Variants in SLC35D1 observed in about 807,000 individuals in gnomAD.
SLC35D1 encodes solute carrier family 35 member D1.
In SLC35D1, 31 loss-of-function variants were observed where a neutral mutation model predicts 46.7. That is an observed-to-expected ratio of 0.66 (90% CI 0.50 to 0.90). The LOEUF (loss-of-function observed/expected upper bound fraction) is 0.90. Among genes scored for constraint, SLC35D1 ranks in the 40% least tolerant of loss-of-function variants. The pLI is 0.00. For synonymous variants in SLC35D1, 195 were observed against 164.6 expected, an observed-to-expected ratio of 1.18 and a Z score of -1.41; for missense variants, 397 against 426.2, an observed-to-expected ratio of 0.93 and a Z score of 0.60.
chr1:67,041,782 A>G (rs187180150), intron 8 of SLC35D1, among the ~76,000 whole-genome samples: 121 of 151,926 alleles, frequency 8.0e-4, no homozygotes, highest in African/African-American at 2.8e-3. Context: ...TCTCCTGAGA[A>G]AAAAAAAACA....
chr1:67,011,098 C>T (rs759838622), intron 10 of SLC35D1, among the ~76,000 whole-genome samples: 23 of 152,302 alleles, frequency 1.5e-4, no homozygotes, highest in Non-Finnish European at 2.8e-4. Flanking sequence ...CCTCCCATAA[C>T]CTATTTTGCC....
intron 10 of SLC35D1, among the ~76,000 whole-genome samples, chr1:67,013,931 C>T (rs774150528): frequency 5.3e-4 from 81 of 152,272 alleles, no homozygotes; most frequent in Non-Finnish European, 8.7e-4. Context: ...CATTGCATAA[C>T]CTGGTTTCAT....
downstream of SLC35D1, among the ~76,000 whole-genome samples, chr1:66,997,588 G>A (rs1570597324): frequency 1.5e-5 from 2 of 136,358 alleles, no homozygotes; most frequent in South Asian, 4.6e-4. Context: ...TACACACACA[G>A]ATATAGAGAT....
chr1:66,982,050 A>G, the SLC35D1 span: 1 of 828,860 alleles, frequency 1.2e-6, no homozygotes, highest in African/African-American at 1.7e-5. Flanking sequence ...CATGAGACAA[A>G]CATAACATCA....
chr1:67,042,149 T>G (rs555320302), intron 8 of SLC35D1, 87 bp downstream of exon 8: 2 of 1,291,140 alleles, frequency 1.5e-6, no homozygotes, highest in South Asian at 2.4e-5. Flanking sequence ...AGCATATTTC[T>G]TTTGAACAAC....
chr1:67,015,111 ATG>A (rs551984308), intron 10 of SLC35D1, among the ~76,000 whole-genome samples: 87 of 150,234 alleles, frequency 5.8e-4, no homozygotes, highest in African/African-American at 2.1e-3. Flanking sequence ...CAAAAGGAAA[ATG>A]TGTTTTTAGT....
chr1:67,020,398 G>C lies in SLC35D1; in HGVS notation c.847C>G (p.Leu283Val). Reference protein sequence around the residue: ...TVLCTQYNSALTTTIVGCIKN... With the variant: ...TVLCTQYNSAVTTTIVGCIKN... The stretch of plus-strand genomic sequence containing the variant: ...ATACAGCCAACTATTGTAGTTGTAA[G>C]AGCAGAATTATACTGCGTGCAGAGT... Residue 283 changes from leucine (L) to valine (V), a missense_variant, in exon 10 of 12, where the codon CTT becomes GTT. Leu to Val is a conservative substitution (Grantham distance 32). Transcript: ENST00000235345. 1.2e-6 allele frequency: 2 copies of C among 1,609,942 alleles called. No individual in the cohort carries two copies. The highest frequency in any genetic ancestry group is 1.1e-5 in the South Asian group (1 of 91,000).
Position 67,047,290 on chromosome 1 carries a change from T to G in SLC35D1, c.611A>C (p.Tyr204Ser). Residue 204 changes from tyrosine (Y) to serine (S), a missense_variant, in exon 7 of 12, where the codon TAC becomes TCC. By Grantham distance (144) the Tyr-to-Ser change is moderately radical. Transcript: ENST00000235345. ...NDVLTAANGA[Y>S]VKQKLDSKEL... ...TTTTGAATCTAATTTTTGTTTTACG[T>G]ATGCACCATTTGCTGCTGTTAGGAC... The G allele has an allele frequency of 6.2e-7, 1 of 1,613,402 alleles. No homozygotes were observed. Among genetic ancestry groups the G allele is most frequent in the Non-Finnish European group, 8.5e-7 (1 of 1,179,860 alleles).
At position 67,000,024 on chromosome 1, in the gene SLC35D1, C is replaced by T. The variant is rs1466287629; in HGVS notation, c.*4316G>A. ...GTGGCACACACCTGTAATCCCAGCACTTTGGGAGGCTGAGACAGAAGGGTT... is the reference window on the plus strand; with the variant it reads ...GTGGCACACACCTGTAATCCCAGCATTTTGGGAGGCTGAGACAGAAGGGTT... On this transcript the variant is annotated 3_prime_UTR_variant, in exon 12 of 12. Transcript: ENST00000235345. 6.6e-6 allele frequency: 1 copy of T among 151,574 alleles called. No homozygotes were observed. Among genetic ancestry groups the T allele is most frequent in the Non-Finnish European group, 1.5e-5 (1 of 67,996 alleles). The allele number at this position is 151,574 out of a possible 1,614,324, so 9.4% of individuals were successfully genotyped here.
chr1:67,025,033 C>G (rs1032272881), intron 8 of SLC35D1, among the ~76,000 whole-genome samples: 2 of 152,158 alleles, frequency 1.3e-5, no homozygotes, highest in African/African-American at 4.8e-5. Context: ...TAGGTGTGAG[C>G]CACCCTGCTG....
chr1:66,984,569 T>C, the SLC35D1 span: 1 of 1,573,602 alleles, frequency 6.4e-7, no homozygotes, highest in Non-Finnish European at 8.6e-7. Context: ...TCTTTCAACT[T>C]AGGAGTGTCA....
the SLC35D1 span, chr1:66,986,059 G>A: frequency 1.5e-3 from 1,476 of 1,015,698 alleles, 1 homozygote; most frequent in Non-Finnish European, 1.7e-3. Flanking sequence ...AACAGAGGAG[G>A]GGGGTCAAGT....
chr1:67,023,075 A>G (rs769465788), intron 8 of SLC35D1, among the ~76,000 whole-genome samples: 1 of 152,222 alleles, frequency 6.6e-6, no homozygotes, highest in Non-Finnish European at 1.5e-5. Flanking sequence ...GTTTATCCAA[A>G]CACCAGGTAA....
At chr1:67,042,444 A>G (rs1411669406) in intron 7 of SLC35D1, 116 bp from the exon 8 acceptor site, 2 of 860,962 alleles carry the variant, frequency 2.3e-6, no homozygotes, top group African/African-American at 3.3e-5. Context: ...CCTCCCCTAC[A>G]ACATACACAG....
At chr1:66,983,022 A>C in the SLC35D1 span, among the ~76,000 whole-genome samples, 1 of 152,216 alleles carries the variant, frequency 6.6e-6, no homozygotes, top group African/African-American at 2.4e-5. Context: ...TTAACACCAA[A>C]TCATTTTCTT....
rs1244746531 is a variant in SLC35D1, at chr1:67,002,913, GT to G, written c.*1426del. The G allele has an allele frequency of 6.6e-6, 1 of 152,292 alleles. No individual in the cohort carries two copies. Among genetic ancestry groups the G allele is most frequent in the Non-Finnish European group, 1.5e-5 (1 of 68,024 alleles). 9.4% of individuals were successfully genotyped at this position (152,292 alleles called of 1,614,324 possible). A position where few individuals can be genotyped will look rare whatever the true frequency, so the allele number is the denominator to read the frequency against. On this transcript the variant is annotated 3_prime_UTR_variant, in exon 12 of 12. Transcript: ENST00000235345. Reference sequence around the variant, plus strand: ...GGATATCTCTGAGTCAAGTCATAGGGTTATGTTTGAGTTAACACCTCCACCC... The same window carrying G: ...GGATATCTCTGAGTCAAGTCATAGGGTATGTTTGAGTTAACACCTCCACCC...
chr1:66,994,043 T>TTTATTG, the SLC35D1 span, among the ~76,000 whole-genome samples: 1 of 151,442 alleles, frequency 6.6e-6, no homozygotes, highest in African/African-American at 2.4e-5. Context: ...TCAGCATTCT[T>TTTATTG]GTAGATCAAA....
At chr1:67,006,581 T>C (rs182316094) in intron 11 of SLC35D1, among the ~76,000 whole-genome samples, 7 of 152,310 alleles carry the variant, frequency 4.6e-5, no homozygotes, top group African/African-American at 7.2e-5. Context: ...TGGATAGGAA[T>C]ACTGGGGAAG....
intron 10 of SLC35D1, among the ~76,000 whole-genome samples, chr1:67,010,165 T>C (rs1457141818): frequency 6.6e-6 from 1 of 151,988 alleles, no homozygotes; most frequent in Non-Finnish European, 1.5e-5. Flanking sequence ...ATGGGAGCAA[T>C]AGACACTGAG....
Sources: allele counts gnomAD v4.1 joint callset (sites outside exome capture counted in the v4.1 genomes callset), GRCh38; gene constraint gnomAD v4.1.1; transcripts MANE v1.5; gene names NCBI Gene and HGNC (gene_info 2026-07-23, HGNC 2026-07-21).